The following CCDC187 variants were observed in gnomAD, a reference collection of about 807,000 sequenced individuals.
CCDC187 encodes coiled-coil domain-containing protein 187.
CCDC187 carries 32 observed loss-of-function variants against 38.0 expected under a neutral mutation model. The observed-to-expected ratio is 0.84, with a 90% CI of 0.64 to 1.13. The LOEUF (loss-of-function observed/expected upper bound fraction) is 1.13, where lower values mean the gene tolerates loss of function less well. Ranked by LOEUF, CCDC187 falls within the 50% of genes most tolerant of loss-of-function variation. The pLI is 0.00. For synonymous variants in CCDC187, 333 were observed against 347.9 expected, an observed-to-expected ratio of 0.96 and a Z score of 0.48; for missense variants, 707 against 786.8, an observed-to-expected ratio of 0.90 and a Z score of 1.21.
rs782622153 is a variant in CCDC187, at chr9:136,264,762, T to A, written c.3736-964A>T. Among the ~76,000 whole-genome samples, 2 of 108,938 alleles carry A rather than the reference T, an allele frequency of 1.8e-5. No individual in the cohort carries two copies. Among genetic ancestry groups the A allele is most frequent in the African/African-American group, 3.1e-5 (1 of 32,002 alleles). The allele number at this position is 108,938 out of a possible 152,430, so 71.5% of individuals were successfully genotyped here. ...AAGTAGTCCCCCACCCCAGCTCACC[T>A]TTTTTTTTTTTGAAACAAGGTCTCA... On this transcript the variant is annotated intron_variant, in intron 17 of 25. Transcript: ENST00000638797. The surrounding 1 kb of genome is among the most constrained non-coding windows in gnomAD (Gnocchi z 4.3).
At chr9:136,288,996 G>T (rs904212775) in intron 7 of CCDC187, among the ~76,000 whole-genome samples, 4 of 152,222 alleles carry the variant, frequency 2.6e-5, no homozygotes, top group African/African-American at 4.8e-5. Context: ...ACCCATTCAC[G>T]GCAGCGGCAG....
intron 10 of CCDC187, among the ~76,000 whole-genome samples, chr9:136,278,477 G>A (rs1830976013): frequency 6.6e-6 from 1 of 152,226 alleles, no homozygotes; most frequent in Non-Finnish European, 1.5e-5. Flanking sequence ...TCACCCCAGT[G>A]AGTGCCCTGA....
At chr9:136,272,395 C>T (rs1030818237) in intron 14 of CCDC187, among the ~76,000 whole-genome samples, 4 of 151,342 alleles carry the variant, frequency 2.6e-5, no homozygotes, top group Non-Finnish European at 4.4e-5. Flanking sequence ...ATGGCAAAAC[C>T]CCATCTCTAC....
chr9:136,267,428 C>T lies in CCDC187; in HGVS notation c.3603G>A (p.Gln1201=), dbSNP rs781917146. 152 of 985,558 alleles carry T rather than the reference C, an allele frequency of 1.5e-4. 1 individual carries two copies. The East Asian group carries it at 1.9e-3, about 13-fold the overall frequency. The allele number at this position is 985,558 out of a possible 1,614,324, so 61.1% of individuals were successfully genotyped here. ...ALLRLREMAL[Q]EKTLAELAWL... ...AGGCCAGCTCCGCGAGCGTTTTCTC[C>T]TGGAGCGCCATCTCTCGCAGGCGCA... Residue 1201 remains glutamine, a synonymous_variant, in exon 16 of 26, where the codon CAG becomes CAA. Coordinates refer to ENST00000638797, the MANE Select transcript of CCDC187 (RefSeq NM_001378188.1).
upstream of CCDC187, among the ~76,000 whole-genome samples, chr9:136,304,471 C>A (rs1391017281): frequency 6.6e-6 from 1 of 152,196 alleles, no homozygotes; most frequent in Admixed American, 6.5e-5. Context: ...GGCTTCTGGG[C>A]TCACCCTGGT....
chr9:136,275,314 G>A (rs912530978), intron 12 of CCDC187, among the ~76,000 whole-genome samples: 1 of 152,168 alleles, frequency 6.6e-6, no homozygotes, highest in Admixed American at 6.5e-5. Flanking sequence ...TCCCGGCTGG[G>A]GGTGCTGGGA....
At position 136,267,902 on chromosome 9, in the gene CCDC187, CG is replaced by C. The variant is rs1481450051; in HGVS notation, c.3519+146del. The C allele has an allele frequency of 1.4e-5, 14 of 985,564 alleles. 1 individual carries two copies. In the South Asian group the frequency reaches 5.6e-4, roughly 40 times the overall value. The allele number at this position is 985,564 out of a possible 1,614,324, so 61.1% of individuals were successfully genotyped here. A position where few individuals can be genotyped will look rare whatever the true frequency, so the allele number is the denominator to read the frequency against. On this transcript the variant is annotated intron_variant, in intron 15 of 25. Coordinates refer to ENST00000638797, the MANE Select transcript of CCDC187 (RefSeq NM_001378188.1). The stretch of plus-strand genomic sequence containing the variant: ...CTTGGGTAGCTGTCAGCTGGAAGAG[CG>C]GGTGACGCGATCGCCGGAAGAACCT...
In CCDC187 at chr9:136,257,475, G is replaced by A. The variant is rs868939622; in HGVS notation, c.4367-634C>T. ...GAGCTTGTTCTTCCCCCTCGGTGCC[G>A]TCCGACAGACACTGGTGTGAGGCAG... On this transcript the variant is annotated intron_variant, in intron 22 of 25. Coordinates refer to ENST00000638797, the MANE Select transcript of CCDC187 (RefSeq NM_001378188.1). The surrounding 1 kb of genome is among the most constrained non-coding windows in gnomAD (Gnocchi z 4.5). 1.3e-4 allele frequency among the ~76,000 whole-genome samples: 20 copies of A among 152,092 alleles called. No homozygotes were observed. Among genetic ancestry groups the A allele is most frequent in the African/African-American group, 2.4e-4 (10 of 41,404 alleles).
intron 6 of CCDC187, 47 bp from the exon 7 acceptor site, chr9:136,290,100 A>C (rs1831281536): frequency 2.5e-6 from 1 of 398,514 alleles, no homozygotes; most frequent in Non-Finnish European, 4.4e-6. Context: ...CGGGAAGACC[A>C]CACGCCCCGT....
At chr9:136,293,328 C>T (rs925612240) in intron 4 of CCDC187, among the ~76,000 whole-genome samples, 126 of 150,618 alleles carry the variant, frequency 8.4e-4, no homozygotes, top group Middle Eastern at 6.9e-3. Context: ...CACTCACATG[C>T]TTACACACTC....
chr9:136,282,527 C>G (rs987764472), intron 9 of CCDC187, among the ~76,000 whole-genome samples: 1 of 152,184 alleles, frequency 6.6e-6, no homozygotes, highest in South Asian at 2.1e-4. Flanking sequence ...TCTGTGAGCA[C>G]GGCTCACCTC....
chr9:136,288,466 C>CCT (rs1831234035), intron 7 of CCDC187, among the ~76,000 whole-genome samples: 1 of 152,192 alleles, frequency 6.6e-6, no homozygotes, highest in South Asian at 2.1e-4. Context: ...TGGGTGGGAG[C>CCT]CCCTCCCTGG....
rs1358700012 is a variant in CCDC187 at position 136,292,305 on chromosome 9, A to C, written c.833-10T>G. The C allele has an allele frequency of 2.5e-5, 10 of 398,672 alleles. No individual in the cohort carries two copies. Among genetic ancestry groups the C allele is most frequent in the African/African-American group, 2.1e-4 (10 of 48,754 alleles). 24.7% of individuals were successfully genotyped at this position (398,672 alleles called of 1,614,324 possible). A position where few individuals can be genotyped will look rare whatever the true frequency, so the allele number is the denominator to read the frequency against. ...CCAACCAGCTCCGAATCTTAAACAG[A>C]GAAAACATACACACAGCCGGGCGCC... On this transcript the variant is annotated splice_polypyrimidine_tract_variant and intron_variant, in intron 4 of 25. Coordinates refer to ENST00000638797, the MANE Select transcript of CCDC187 (RefSeq NM_001378188.1).
At chr9:136,287,473 G>A (rs977952237) in intron 7 of CCDC187, among the ~76,000 whole-genome samples, 3 of 152,116 alleles carry the variant, frequency 2.0e-5, no homozygotes, top group Non-Finnish European at 2.9e-5. Flanking sequence ...CGTTCATCAC[G>A]CTTGCTTCCT....
chr9:136,286,550 TG>T lies in CCDC187; in HGVS notation c.2367del (p.Thr790ProfsTer38), dbSNP rs1831186686. 1 of 398,374 alleles carries T rather than the reference TG, an allele frequency of 2.5e-6. No individual in the cohort carries two copies. Among genetic ancestry groups the T allele is most frequent in the African/African-American group, 2.1e-5 (1 of 48,546 alleles). 24.7% of individuals were successfully genotyped at this position (398,374 alleles called of 1,614,324 possible). On this transcript the variant is annotated frameshift_variant, in exon 8 of 26. Coordinates refer to ENST00000638797, the MANE Select transcript of CCDC187 (RefSeq NM_001378188.1). LOFTEE classifies it high-confidence loss of function. ...SLGSLELQDL[T>X]TRYLPRGMCI... The stretch of plus-strand genomic sequence containing the variant: ...CACATCCCCCGGGGTAGGTAGCGGG[TG>T]GTCAGGTCCTGGAGCTCCAGGGATC...
intron 10 of CCDC187, among the ~76,000 whole-genome samples, chr9:136,279,989 C>G (rs1266506840): frequency 2.6e-5 from 4 of 152,242 alleles, no homozygotes; most frequent in African/African-American, 4.8e-5. Context: ...ACACCGGCAT[C>G]TTGTTCTTGG....
Position 136,290,691 on chromosome 9 carries a change from T to C in CCDC187, c.1922A>G (p.Glu641Gly). ...GGCCTGCGCCTTCTGGCGCATGAAC[T>C]CCCGCAAGGACTCAGAGCTGTGCGA... is the stretch of plus-strand genomic sequence containing the variant. ...GPSHSSESLR[E>G]FMRQKAQARR... Residue 641 changes from glutamate to glycine, a missense_variant, in exon 6 of 26, where the codon GAG becomes GGG. Coordinates refer to ENST00000638797, the MANE Select transcript of CCDC187 (RefSeq NM_001378188.1). 7.5e-6 allele frequency: 3 copies of C among 398,424 alleles called. No individual in the cohort carries two copies. The allele number at this position is 398,424 out of a possible 1,614,324, so 24.7% of individuals were successfully genotyped here.
Position 136,297,775 on chromosome 9 carries a change from T to C in CCDC187, c.771A>G (p.Arg257=). Residue 257 remains arginine (R), a synonymous_variant, in exon 4 of 26, where the codon AGA becomes AGG. Coordinates refer to ENST00000638797, the MANE Select transcript of CCDC187 (RefSeq NM_001378188.1). ...GGGAGGGCAACTTGGGGGTCTTCTC[T>C]CTTTTGCAAGAACTGCTTTTGACCC... is the stretch of plus-strand genomic sequence containing the variant. ...PKRVKSSSCK[R]EKTPKLPSPR... The C allele has an allele frequency of 2.5e-6, 1 of 398,610 alleles. No homozygotes were observed. Among genetic ancestry groups the C allele is most frequent in the East Asian group, 3.6e-5 (1 of 28,068 alleles). The allele number at this position is 398,610 out of a possible 1,614,324, so 24.7% of individuals were successfully genotyped here. A position where few individuals can be genotyped will look rare whatever the true frequency, so the allele number is the denominator to read the frequency against.
At position 136,264,914 on chromosome 9, in the gene CCDC187, A is replaced by G. The variant is rs35680508; in HGVS notation, c.3735+1042T>C. 0.22 allele frequency among the ~76,000 whole-genome samples: 32,940 copies of G among 152,028 alleles called. 4,193 individuals are homozygous for G. The highest frequency in any genetic ancestry group is 0.46 in the Middle Eastern group (134 of 294). On this transcript the variant is annotated intron_variant, in intron 17 of 25. Transcript: ENST00000638797. This position sits in a 1 kb window ranked among gnomAD's most constrained non-coding sequence, Gnocchi z 4.3. The stretch of plus-strand genomic sequence containing the variant: ...GGGACTATAGGCATTGGCCACCTAT[A>G]GTGGCAGATTTATTTTTTGTAGAGA...
Sources: gnomAD v4.1 joint callset for allele counts (sites outside exome capture counted in the v4.1 genomes callset) on GRCh38, gnomAD v4.1.1 for gene constraint, Gnocchi (gnomAD v3.1) non-coding constraint, MANE v1.5 for transcripts, NCBI Gene and HGNC (gene_info 2026-07-23, HGNC 2026-07-21) for gene names.